The following SMPD3 variants were observed in gnomAD, a reference collection of about 807,000 sequenced individuals.
SMPD3 encodes the protein nSMase-2.
A neutral mutation model predicts 55.7 loss-of-function variants in SMPD3; 21 were observed. The observed-to-expected ratio is 0.38, with a 90% CI of 0.27 to 0.54. The LOEUF is 0.54. Ranked by LOEUF, SMPD3 falls within the 20% of genes least tolerant of loss-of-function variation. SMPD3 has a pLI of 0.80. For synonymous variants in SMPD3, 457 were observed against 404.3 expected, an observed-to-expected ratio of 1.13 and a Z score of -1.56; for missense variants, 842 against 899.6, an observed-to-expected ratio of 0.94 and a Z score of 0.82.
intron 2 of SMPD3, among the ~76,000 whole-genome samples, chr16:68,383,338 AC>A (rs1001957445): frequency 3.9e-5 from 6 of 152,200 alleles, no homozygotes; most frequent in African/African-American, 1.4e-4. Context: ...TCCCCCGCAC[AC>A]CACAAGAGAA....
chr16:68,373,837 G>T (rs1272617795), intron 2 of SMPD3, among the ~76,000 whole-genome samples: 1 of 152,136 alleles, frequency 6.6e-6, no homozygotes, highest in African/African-American at 2.4e-5. Flanking sequence ...GGTCTCTGCA[G>T]CCCCCTCCCC....
intron 7 of SMPD3, 110 bp from the exon 8 acceptor site, chr16:68,361,869 G>GC: frequency 2.6e-6 from 2 of 769,496 alleles, no homozygotes; most frequent in Non-Finnish European, 3.9e-6. Context: ...GGGTGGGTGG[G>GC]ACCAAAGCGC....
intron 8 of SMPD3, 121 bp from the exon 9 acceptor site, chr16:68,361,428 A>T (rs2089259341): frequency 7.3e-7 from 1 of 1,360,770 alleles, no homozygotes; most frequent in Non-Finnish European, 1.0e-6. Context: ...ACCTTCCTGC[A>T]GTCAGAGGGA....
intron 2 of SMPD3, among the ~76,000 whole-genome samples, chr16:68,373,822 C>T (rs12596860): frequency 1.3e-5 from 2 of 152,208 alleles, no homozygotes; most frequent in Non-Finnish European, 2.9e-5. Context: ...TCTGTCAGGC[C>T]TGCGGGTCTC....
At chr16:68,415,380 A>G (rs1252536794) in intron 1 of SMPD3, among the ~76,000 whole-genome samples, 1 of 152,146 alleles carries the variant, frequency 6.6e-6, no homozygotes, top group African/African-American at 2.4e-5. Flanking sequence ...CGGGCTCATC[A>G]CTGGGTCAAA....
chr16:68,399,690 C>T (rs557637469), intron 1 of SMPD3, among the ~76,000 whole-genome samples: 4 of 152,210 alleles, frequency 2.6e-5, no homozygotes, highest in Non-Finnish European at 5.9e-5. Context: ...GGCCATTCTT[C>T]CTGGATGACT....
chr16:68,372,306 C>G lies in SMPD3; in HGVS notation c.-125G>C. 1 of 1,272,216 alleles carries G rather than the reference C, an allele frequency of 7.9e-7. No homozygotes were observed. Among genetic ancestry groups the G allele is most frequent in the South Asian group, 1.4e-5 (1 of 69,992 alleles). 78.8% of individuals were successfully genotyped at this position (1,272,216 alleles called of 1,614,324 possible). On this transcript the variant is annotated 5_prime_UTR_variant, in exon 3 of 9. Transcript: ENST00000219334. ...GGAGGGGTCACCTCCTGGCGAGATG[C>G]AACTCCGGCTGGTCAATGGCGAATG...
At chr16:68,416,576 C>T (rs984414938) in intron 1 of SMPD3, among the ~76,000 whole-genome samples, 4 of 152,242 alleles carry the variant, frequency 2.6e-5, no homozygotes, top group Admixed American at 2.6e-4. Context: ...TCTGCCTCGT[C>T]CTTGTATGCT....
chr16:68,373,557 C>T (rs2089730538), intron 2 of SMPD3, among the ~76,000 whole-genome samples: 1 of 152,190 alleles, frequency 6.6e-6, no homozygotes, highest in Non-Finnish European at 1.5e-5. Flanking sequence ...CCTGGCCCCA[C>T]ACCCTCTCCT....
chr16:68,441,124 C>G (rs1002750653), intron 1 of SMPD3, among the ~76,000 whole-genome samples: 4 of 152,174 alleles, frequency 2.6e-5, no homozygotes, highest in South Asian at 2.1e-4. Context: ...CATAAGCTTC[C>G]TCCAATAGTA....
intron 1 of SMPD3, among the ~76,000 whole-genome samples, chr16:68,433,813 C>T (rs1229462331): frequency 6.6e-6 from 1 of 151,780 alleles, no homozygotes; most frequent in East Asian, 1.9e-4. Context: ...GTTCTCAAAT[C>T]TTGGAAATTC....
chr16:68,442,773 GTTAA>G (rs925549408), intron 1 of SMPD3, among the ~76,000 whole-genome samples: 17 of 152,190 alleles, frequency 1.1e-4, no homozygotes, highest in African/African-American at 4.1e-4. Context: ...GCTGAGGAGA[GTTAA>G]TTAATGACTC....
intron 1 of SMPD3, among the ~76,000 whole-genome samples, chr16:68,433,598 G>A (rs962037228): frequency 2.0e-5 from 3 of 152,236 alleles, no homozygotes; most frequent in Admixed American, 1.3e-4. Flanking sequence ...GGAGCTGCCA[G>A]TGGAGTATGG....
rs1311497315 is a variant in SMPD3, at chr16:68,404,893, TTCTC to T, written c.-268-18238_-268-18235del. Among the ~76,000 whole-genome samples the T allele has an allele frequency of 6.6e-6, 1 of 152,220 alleles. No homozygotes were observed. Among genetic ancestry groups the T allele is most frequent in the East Asian group, 1.9e-4 (1 of 5,190 alleles). On this transcript the variant is annotated intron_variant, in intron 1 of 8. Coordinates refer to ENST00000219334, the MANE Select transcript of SMPD3 (RefSeq NM_018667.4). The surrounding 1 kb of genome is among the most constrained non-coding windows in gnomAD (Gnocchi z 4.0). ...AGTAGAAATGGGGCGGCTCTGAACT[TTCTC>T]TCTGTAACCCCAGGCACATGTGTGC...
At chr16:68,376,349 T>A (rs920444597) in intron 2 of SMPD3, among the ~76,000 whole-genome samples, 1 of 152,184 alleles carries the variant, frequency 6.6e-6, no homozygotes, top group African/African-American at 2.4e-5. Context: ...GGCCATTGAG[T>A]GGGCCCAGGC....
chr16:68,394,852 C>T (rs183718976), intron 1 of SMPD3, among the ~76,000 whole-genome samples: 14 of 152,298 alleles, frequency 9.2e-5, no homozygotes, highest in Admixed American at 7.2e-4. Context: ...GATACAGAGA[C>T]AGTGAGTGAG....
In SMPD3 at chr16:68,447,716, G is replaced by C. The variant is rs1344553900; in HGVS notation, c.-269+637C>G. On this transcript the variant is annotated intron_variant, in intron 1 of 8. Coordinates refer to ENST00000219334, the MANE Select transcript of SMPD3 (RefSeq NM_018667.4). The surrounding 1 kb of genome is among the most constrained non-coding windows in gnomAD (Gnocchi z 5.1). ...CACCCTTCACCAGTAACCTAGGAGG[G>C]TCCAAGTGGGAGGGGTAAGAGTCCT... Among the ~76,000 whole-genome samples, 1 of 151,722 alleles carries C rather than the reference G, an allele frequency of 6.6e-6. No homozygotes were observed. Among genetic ancestry groups the C allele is most frequent in the Non-Finnish European group, 1.5e-5 (1 of 67,886 alleles).
intron 1 of SMPD3, among the ~76,000 whole-genome samples, chr16:68,430,838 C>G (rs2090474348): frequency 6.6e-6 from 1 of 152,194 alleles, no homozygotes; most frequent in African/African-American, 2.4e-5. Flanking sequence ...AGATCCATCT[C>G]CATGTGGCCT....
chr16:68,393,238 C>T (rs1002014636), intron 1 of SMPD3, among the ~76,000 whole-genome samples: 4 of 152,088 alleles, frequency 2.6e-5, no homozygotes, highest in African/African-American at 7.2e-5. Context: ...AACCCCATCT[C>T]TAGTAAAAAC....
Sources: gnomAD v4.1 joint callset for allele counts (sites outside exome capture counted in the v4.1 genomes callset) on GRCh38, gnomAD v4.1.1 for gene constraint, Gnocchi (gnomAD v3.1) non-coding constraint, MANE v1.5 for transcripts, NCBI Gene and HGNC (gene_info 2026-07-23, HGNC 2026-07-21) for gene names.